TENM3: variants seen among roughly 807,000 people sequenced by gnomAD.
TENM3 encodes the protein teneurin transmembrane protein 3, also known as teneurin-3.
Under a neutral mutation model 255.1 loss-of-function variants are expected in TENM3, and 63 were observed. The observed-to-expected ratio is 0.25, with a 90% CI of 0.20 to 0.30. TENM3 has a LOEUF of 0.30. Among genes scored for constraint, TENM3 ranks in the 10% least tolerant of loss-of-function variants. TENM3 has a pLI of 1.00. For missense variants in TENM3, 2,929 were observed against 3,461.1 expected (o/e 0.85, Z 3.86); for synonymous variants, 1,306 against 1,322.3 (o/e 0.99, Z 0.27).
chr4:182,328,660 G>A (rs1763568164), intron 2 of TENM3, among the ~76,000 whole-genome samples: 1 of 152,188 alleles, frequency 6.6e-6, no homozygotes, highest in Non-Finnish European at 1.5e-5. Flanking sequence ...TTCTAAGTGT[G>A]CCTCATCTCT....
the TENM3 span, among the ~76,000 whole-genome samples, chr4:181,703,342 G>T: frequency 2.6e-5 from 4 of 152,282 alleles, no homozygotes; most frequent in Admixed American, 1.3e-4. Flanking sequence ...TTGGGGATTT[G>T]AATAACTTAC....
At chr4:182,569,569 A>T (rs1744154260) in intron 3 of TENM3, among the ~76,000 whole-genome samples, 1 of 152,102 alleles carries the variant, frequency 6.6e-6, no homozygotes, top group Admixed American at 6.6e-5. Flanking sequence ...AAGAAAAAAA[A>T]AAAAAGAAAG....
the TENM3 span, among the ~76,000 whole-genome samples, chr4:181,677,279 ACT>A: frequency 0.011 from 1,720 of 152,196 alleles, 27 homozygotes; most frequent in African/African-American, 0.039. Flanking sequence ...TGCCATAGGC[ACT>A]GAGTGTCTCC....
chr4:182,144,275 C>G (rs1486053151), upstream of TENM3: 1 of 150,858 alleles, frequency 6.6e-6, no homozygotes, highest in Non-Finnish European at 1.5e-5. Context: ...CCGGCGCGTC[C>G]CCCGCCGCAC....
chr4:182,235,187 A>T (rs552914077), intron 1 of TENM3, among the ~76,000 whole-genome samples: 3 of 152,204 alleles, frequency 2.0e-5, no homozygotes, highest in Non-Finnish European at 4.4e-5. Flanking sequence ...TTGGGATGCC[A>T]AACACTTGTG....
chr4:182,457,215 C>G (rs1773948695), intron 3 of TENM3, among the ~76,000 whole-genome samples: 1 of 151,162 alleles, frequency 6.6e-6, no homozygotes, highest in South Asian at 2.1e-4. Context: ...ACAAAAACCC[C>G]ACAATACTCT....
chr4:181,753,606 C>T, the TENM3 span, among the ~76,000 whole-genome samples: 1 of 152,076 alleles, frequency 6.6e-6, no homozygotes, highest in Non-Finnish European at 1.5e-5. Context: ...TGGCATGAGC[C>T]ATTTTTCTCA....
intron 3 of TENM3, among the ~76,000 whole-genome samples, chr4:182,568,136 A>G (rs1743983138): frequency 6.6e-6 from 1 of 152,184 alleles, no homozygotes. Flanking sequence ...TGCCAGTTCT[A>G]CCTCCAACCT....
chr4:182,679,376 A>G (rs1466719203), intron 7 of TENM3, among the ~76,000 whole-genome samples: 1 of 152,142 alleles, frequency 6.6e-6, no homozygotes, highest in Non-Finnish European at 1.5e-5. Context: ...AACTGCCTAA[A>G]CTCATCAAAC....
At chr4:181,927,530 C>T in the TENM3 span, among the ~76,000 whole-genome samples, 1 of 152,212 alleles carries the variant, frequency 6.6e-6, no homozygotes, top group Non-Finnish European at 1.5e-5. Flanking sequence ...CAGTCAGGGG[C>T]TTATAGATAA....
intron 3 of TENM3, among the ~76,000 whole-genome samples, chr4:182,460,112 C>T (rs986316710): frequency 1.3e-5 from 2 of 152,158 alleles, no homozygotes; most frequent in East Asian, 3.9e-4. Flanking sequence ...TTAACCTCTG[C>T]AGTGTGAAAG....
chr4:182,299,206 T>C (rs1761701933), intron 1 of TENM3, among the ~76,000 whole-genome samples: 1 of 151,892 alleles, frequency 6.6e-6, no homozygotes, highest in Admixed American at 6.6e-5. Flanking sequence ...ATTATTAACA[T>C]CCACTTTGTT....
intron 1 of TENM3, among the ~76,000 whole-genome samples, chr4:182,304,775 T>C (rs187226349): frequency 6.6e-6 from 1 of 152,258 alleles, no homozygotes; most frequent in African/African-American, 2.4e-5. Context: ...GAAACGGGAA[T>C]GACACAGCTT....
chr4:181,619,597 T>A, the TENM3 span, among the ~76,000 whole-genome samples: 5 of 151,914 alleles, frequency 3.3e-5, no homozygotes, highest in African/African-American at 7.3e-5. Context: ...AATTTTTTTT[T>A]ATTTTTTATT....
At position 182,775,137 on chromosome 4, in the gene TENM3, T is replaced by C. The variant is rs1382505542; in HGVS notation, c.5288T>C (p.Phe1763Ser). The change falls in exon 24 of 28, where the codon TTT becomes TCT. Residue 1763 changes from phenylalanine to serine, a missense_variant. Physicochemically the swap from Phe to Ser is radical, Grantham distance 155. Transcript: ENST00000511685. ...KEQAQGKVNVFGRKLRVNGRN... is the reference protein window; with the variant it reads ...KEQAQGKVNVSGRKLRVNGRN... ...CAAGCCCAAGGGAAAGTCAATGTCT[T>C]TGGCCGCAAGCTCAGGGTACGTACG... 6.2e-7 allele frequency: 1 copy of C among 1,613,872 alleles called. No individual in the cohort carries two copies. Among genetic ancestry groups the C allele is most frequent in the African/African-American group, 1.3e-5 (1 of 74,922 alleles).
chr4:181,546,727 AAAG>A, the TENM3 span, among the ~76,000 whole-genome samples: 48 of 117,908 alleles, frequency 4.1e-4, 1 homozygote, highest in Admixed American at 1.6e-3. Flanking sequence ...AAAAAAAAAA[AAAG>A]AAGAAGAAGA....
intron 2 of TENM3, among the ~76,000 whole-genome samples, chr4:182,326,524 CTATT>C (rs1451895033): frequency 2.0e-5 from 3 of 151,900 alleles, no homozygotes; most frequent in Non-Finnish European, 4.4e-5. Context: ...TTTTTTAAGT[CTATT>C]ATCATTATTA....
the TENM3 span, among the ~76,000 whole-genome samples, chr4:181,588,657 G>T: frequency 6.6e-6 from 1 of 152,150 alleles, no homozygotes; most frequent in Non-Finnish European, 1.5e-5. Context: ...TTAACAGTTT[G>T]TTGAATTTTG....
chr4:182,141,028 G>A (rs1221690147), upstream of TENM3, among the ~76,000 whole-genome samples: 1 of 136,606 alleles, frequency 7.3e-6, no homozygotes, highest in Non-Finnish European at 1.5e-5. Context: ...GCTTCCAAAG[G>A]CCCCAGGCAT....
Sources: allele counts gnomAD v4.1 joint callset (sites outside exome capture counted in the v4.1 genomes callset), GRCh38; gene constraint gnomAD v4.1.1; transcripts MANE v1.5; gene names NCBI Gene and HGNC (gene_info 2026-07-23, HGNC 2026-07-21).